NLRP4: variants seen among roughly 807,000 people sequenced by gnomAD.
NLRP4 encodes the protein NLR family pyrin domain containing 4.
NLRP4 carries 44 observed loss-of-function variants against 84.7 expected under a neutral mutation model. That is an observed-to-expected ratio of 0.52 (90% CI 0.41 to 0.67). NLRP4 has a LOEUF of 0.67. Ranked by LOEUF, NLRP4 falls within the 30% of genes least tolerant of loss-of-function variation. The probability of loss-of-function intolerance (pLI) is 0.00; values close to 1 mark genes in which losing one functional copy is unlikely to be tolerated. For synonymous variants in NLRP4, 544 were observed against 476.4 expected, an observed-to-expected ratio of 1.14 and a Z score of -1.85; for missense variants, 1,260 against 1,219.4, an observed-to-expected ratio of 1.03 and a Z score of -0.50.
In NLRP4 at chr19:55,859,027, A is replaced by C. The variant is rs1199518416; in HGVS notation, c.1634A>C (p.Gln545Pro). The change falls in exon 3 of 10, where the codon CAG becomes CCG. Residue 545 changes from glutamine (Q) to proline (P), a missense_variant. By Grantham distance (76) the Gln-to-Pro change is moderately conservative. Transcript: ENST00000301295. ...AGCTTAGGGGAGCGTGGCAATCCTC[A>C]GGGACAGGTGGATTCCTTGGCGATA... ...LKSLGERGNP[Q>P]GQVDSLAIFY... 2.5e-6 allele frequency: 4 copies of C among 1,614,114 alleles called. No homozygotes were observed. Among genetic ancestry groups the C allele is most frequent in the Non-Finnish European group, 3.4e-6 (4 of 1,179,974 alleles).
intron 5 of NLRP4, among the ~76,000 whole-genome samples, chr19:55,864,390 G>C (rs1984875333): frequency 1.3e-5 from 2 of 152,202 alleles, no homozygotes; most frequent in Admixed American, 1.3e-4. Flanking sequence ...ATTGTACCAT[G>C]TATCAGTACT....
intron 4 of NLRP4, 57 bp from the exon 5 acceptor site, chr19:55,861,935 G>A: frequency 8.8e-7 from 1 of 1,137,496 alleles, no homozygotes; most frequent in African/African-American, 1.5e-5. Flanking sequence ...AAACACAGGT[G>A]TGCAGGCTGT....
In NLRP4 at chr19:55,852,099, T is replaced by C; in HGVS notation, c.19T>C (p.Ser7Pro). MAASFFSDFGLMWYLEE... is the reference protein window; with the variant it reads MAASFFPDFGLMWYLEE... ...AGAAAAGATGGCAGCCTCTTTCTTC[T>C]CTGATTTTGGTCTTATGTGGTATCT... is the stretch of plus-strand genomic sequence containing the variant. The change falls in exon 2 of 10, where the codon TCT becomes CCT. Residue 7 changes from serine to proline, a missense_variant. Coordinates refer to ENST00000301295, the MANE Select transcript of NLRP4 (RefSeq NM_134444.5). 6.3e-7 allele frequency: 1 copy of C among 1,594,354 alleles called. No homozygotes were observed. The highest frequency in any genetic ancestry group is 1.2e-5 in the South Asian group (1 of 85,684).
chr19:55,849,548 C>T (rs1983933532), intron 1 of NLRP4, among the ~76,000 whole-genome samples: 1 of 152,118 alleles, frequency 6.6e-6, no homozygotes, highest in Admixed American at 6.5e-5. Context: ...TGTGTCCCCA[C>T]ATAATAGAGT....
chr19:55,877,214 G>A (rs756869137), intron 8 of NLRP4, 48 bp downstream of exon 8: 14 of 1,535,494 alleles, frequency 9.1e-6, no homozygotes, highest in South Asian at 4.5e-5. Flanking sequence ...TGGCAAAGAC[G>A]GAAAATGGAT....
chr19:55,867,153 C>G (rs924200160), intron 5 of NLRP4, among the ~76,000 whole-genome samples: 1 of 150,810 alleles, frequency 6.6e-6, no homozygotes, highest in East Asian at 2.0e-4. Context: ...GTCTCTGTAC[C>G]CCAGAGACCA....
chr19:55,851,234 G>T (rs552638970), intron 1 of NLRP4, among the ~76,000 whole-genome samples: 4 of 18,696 alleles, frequency 2.1e-4, no homozygotes, highest in Non-Finnish European at 2.5e-4. Context: ...AATGTCCGAG[G>T]CTGCGGTGTA....
intron 3 of NLRP4, among the ~76,000 whole-genome samples, 170 bp downstream of exon 3, chr19:55,859,419 C>T (rs968295726): frequency 6.6e-6 from 1 of 152,172 alleles, no homozygotes; most frequent in African/African-American, 2.4e-5. Flanking sequence ...TAGACTTTGT[C>T]TGTGAGCCTT....
intron 1 of NLRP4, among the ~76,000 whole-genome samples, chr19:55,844,282 C>G (rs1268094397): frequency 6.6e-6 from 1 of 151,946 alleles, no homozygotes; most frequent in Admixed American, 6.6e-5. Flanking sequence ...TTTCCCCTTT[C>G]TTTTTTCTTT....
intron 7 of NLRP4, among the ~76,000 whole-genome samples, chr19:55,873,446 A>T (rs1438284281): frequency 2.0e-5 from 3 of 152,214 alleles, no homozygotes; most frequent in African/African-American, 7.2e-5. Context: ...ATATATTTGA[A>T]TTCAAATATG....
intron 5 of NLRP4, among the ~76,000 whole-genome samples, chr19:55,865,211 G>A (rs572530670): frequency 3.3e-5 from 5 of 152,022 alleles, no homozygotes; most frequent in Admixed American, 6.5e-5. Context: ...AGTGTTTAGC[G>A]TCCACTTATA....
At chr19:55,845,183 C>A (rs1349117260) in intron 1 of NLRP4, among the ~76,000 whole-genome samples, 2 of 114,592 alleles carry the variant, frequency 1.7e-5, no homozygotes, top group East Asian at 3.1e-4. Flanking sequence ...CCCCTCCCCC[C>A]ACCCCATAAC....
chr19:55,853,765 C>G (rs922447828), intron 2 of NLRP4, among the ~76,000 whole-genome samples: 1 of 148,560 alleles, frequency 6.7e-6, no homozygotes, highest in Admixed American at 6.7e-5. Flanking sequence ...TTCTCTTTCT[C>G]TCTCTCTCTC....
chr19:55,870,357 A>G (rs1244059850), intron 6 of NLRP4, among the ~76,000 whole-genome samples: 1 of 152,198 alleles, frequency 6.6e-6, no homozygotes, highest in African/African-American at 2.4e-5. Flanking sequence ...TTCTTCTATC[A>G]TGCAACTAAG....
chr19:55,852,678 T>C (rs1215893558), intron 2 of NLRP4, among the ~76,000 whole-genome samples: 2 of 152,088 alleles, frequency 1.3e-5, no homozygotes, highest in African/African-American at 2.4e-5. Flanking sequence ...GGTTTCACCA[T>C]GTTGGCCAGG....
intron 7 of NLRP4, among the ~76,000 whole-genome samples, chr19:55,872,426 C>A (rs1230783551): frequency 6.6e-6 from 1 of 152,034 alleles, no homozygotes; most frequent in African/African-American, 2.4e-5. Flanking sequence ...AAGGACAAGT[C>A]AAAATACAAA....
chr19:55,851,888 T>A, intron 1 of NLRP4, 128 bp from the exon 2 acceptor site: 1 of 547,334 alleles, frequency 1.8e-6, no homozygotes. Context: ...AATGAGAAGG[T>A]GAGATGAATG....
intron 1 of NLRP4, among the ~76,000 whole-genome samples, chr19:55,839,419 A>G (rs1983522123): frequency 1.3e-5 from 2 of 151,318 alleles, no homozygotes; most frequent in Non-Finnish European, 2.9e-5. Flanking sequence ...TTTTATTTAA[A>G]TTTTGACATA....
intron 9 of NLRP4, among the ~76,000 whole-genome samples, chr19:55,880,806 C>A (rs1486360441): frequency 1.3e-5 from 2 of 152,192 alleles, no homozygotes; most frequent in African/African-American, 4.8e-5. Context: ...CTACCACTTT[C>A]TGGTTTTGTG....
Sources: allele counts gnomAD v4.1 joint callset (sites outside exome capture counted in the v4.1 genomes callset), GRCh38; gene constraint gnomAD v4.1.1; transcripts MANE v1.5; gene names NCBI Gene and HGNC (gene_info 2026-07-23, HGNC 2026-07-21).